TBCB: variants seen among roughly 807,000 people sequenced by gnomAD.
TBCB encodes tubulin-folding cofactor B.
TBCB carries 18 observed loss-of-function variants against 29.2 expected under a neutral mutation model. The observed-to-expected ratio is 0.62, with a 90% CI of 0.43 to 0.91. The LOEUF is 0.91. TBCB is among the 40% of genes least tolerant of loss of function. TBCB has a pLI of 0.00. For missense variants in TBCB, 336 were observed against 337.6 expected (o/e 1.00, Z 0.04); for synonymous variants, 172 against 137.8 (o/e 1.25, Z -1.74).
At chr19:36,117,333 C>T (rs561018315) in intron 2 of TBCB, among the ~76,000 whole-genome samples, 53 of 152,178 alleles carry the variant, frequency 3.5e-4, no homozygotes, top group African/African-American at 1.1e-3. Context: ...GAGGATAGTC[C>T]GTGAATCGTT....
At chr19:36,118,335 C>G (rs1296561908) in intron 2 of TBCB, among the ~76,000 whole-genome samples, 1 of 152,070 alleles carries the variant, frequency 6.6e-6, no homozygotes, top group Non-Finnish European at 1.5e-5. Flanking sequence ...CCTGGGGTAC[C>G]TGATGCATCA....
At position 36,125,447 on chromosome 19, in the gene TBCB, G is replaced by T; in HGVS notation, c.548-4G>T. 6.2e-7 allele frequency: 1 copy of T among 1,614,186 alleles called. No individual in the cohort carries two copies. The highest frequency in any genetic ancestry group is 8.5e-7 in the Non-Finnish European group (1 of 1,180,016). ...CTTCACAGGGATTTCTCTTCTGTTGGCAGGTCTCACAGATTTCAAGCCTGG... is the reference window on the plus strand; with the variant it reads ...CTTCACAGGGATTTCTCTTCTGTTGTCAGGTCTCACAGATTTCAAGCCTGG... On this transcript the variant is annotated splice_region_variant and splice_polypyrimidine_tract_variant and intron_variant, in intron 4 of 5. Coordinates refer to ENST00000221855, the MANE Select transcript of TBCB (RefSeq NM_001281.3).
At chr19:36,123,991 C>A (rs980123262) in intron 4 of TBCB, among the ~76,000 whole-genome samples, 2 of 152,210 alleles carry the variant, frequency 1.3e-5, no homozygotes, top group African/African-American at 4.8e-5. Context: ...ACCTGCCACA[C>A]TGCTTCCCAC....
chr19:36,116,380 C>T (rs1159473238), intron 2 of TBCB, 196 bp downstream of exon 2: 3 of 635,498 alleles, frequency 4.7e-6, no homozygotes, highest in Middle Eastern at 4.5e-4. Context: ...ATCAGGAAAT[C>T]CCAGGGGACT....
intron 4 of TBCB, among the ~76,000 whole-genome samples, chr19:36,123,640 A>G (rs1974093623): frequency 6.6e-6 from 1 of 152,054 alleles, no homozygotes; most frequent in South Asian, 2.1e-4. Context: ...TTGGGAGGCC[A>G]AGGTGGGCAG....
upstream of TBCB, chr19:36,115,044 A>G (rs1001607736): frequency 6.5e-6 from 4 of 619,194 alleles, no homozygotes; most frequent in East Asian, 2.8e-5. Flanking sequence ...CAATCTTTTG[A>G]TATCTTAGAG....
chr19:36,121,511 C>A lies in TBCB; in HGVS notation c.356-16C>A. The A allele has an allele frequency of 6.5e-7, 1 of 1,547,876 alleles. No individual in the cohort carries two copies. ...CGGCCGACACCCCAACTGACCCCAGCCCCCTCTGCCCACAGACACGGTCCG... is the reference window on the plus strand; with the variant it reads ...CGGCCGACACCCCAACTGACCCCAGACCCCTCTGCCCACAGACACGGTCCG... On this transcript the variant is annotated splice_polypyrimidine_tract_variant and intron_variant, in intron 3 of 5. Transcript: ENST00000221855.
At chr19:36,119,786 G>A (rs1477709427) in intron 2 of TBCB, among the ~76,000 whole-genome samples, 1 of 151,834 alleles carries the variant, frequency 6.6e-6, no homozygotes, top group East Asian at 1.9e-4. Context: ...TCAGCTGCCC[G>A]GGAGGCTGAG....
At chr19:36,118,153 C>G (rs1053797679) in intron 2 of TBCB, among the ~76,000 whole-genome samples, 1 of 152,144 alleles carries the variant, frequency 6.6e-6, no homozygotes, top group Admixed American at 6.5e-5. Context: ...TTTTTTCTCT[C>G]GTTGATTAAC....
In TBCB at chr19:36,124,733, C is replaced by T. The variant is rs536894584; in HGVS notation, c.548-718C>T. Among the ~76,000 whole-genome samples, 16 of 152,144 alleles carry T rather than the reference C, an allele frequency of 1.1e-4. No homozygotes were observed. The South Asian group carries it at 1.5e-3, about 14-fold the overall frequency. On this transcript the variant is annotated intron_variant, in intron 4 of 5. Transcript: ENST00000221855. Reference sequence around the variant, plus strand: ...TAATTTTTTGTATTTTTAGTAGAGACGGGGCTTCACCGTGTTAGCCAGGAT... The same window carrying T: ...TAATTTTTTGTATTTTTAGTAGAGATGGGGCTTCACCGTGTTAGCCAGGAT...
At chr19:36,119,551 C>T (rs1974010337) in intron 2 of TBCB, among the ~76,000 whole-genome samples, 1 of 152,186 alleles carries the variant, frequency 6.6e-6, no homozygotes, top group African/African-American at 2.4e-5. Context: ...CAGGGCCCTC[C>T]TAGCTCAGAG....
At chr19:36,125,325 A>G in intron 4 of TBCB, 126 bp from the exon 5 acceptor site, 1 of 1,037,126 alleles carries the variant, frequency 9.6e-7, no homozygotes, top group Non-Finnish European at 1.5e-6. Context: ...AGAGGTAGCA[A>G]GAAATGGTTT....
At chr19:36,120,275 G>A (rs1309039786) in intron 2 of TBCB, among the ~76,000 whole-genome samples, 6 of 152,180 alleles carry the variant, frequency 3.9e-5, no homozygotes, top group Admixed American at 1.3e-4. Context: ...CTGGGAGCTC[G>A]GAAACCAATG....
At chr19:36,121,100 TGG>T (rs1332035780) in intron 3 of TBCB, among the ~76,000 whole-genome samples, 2 of 14,188 alleles carry the variant, frequency 1.4e-4, no homozygotes, top group Non-Finnish European at 2.7e-4. Context: ...CAGGGTCAGA[TGG>T]GGGCATGGGG....
chr19:36,125,765 G>A lies in TBCB; in HGVS notation c.718G>A (p.Gly240Arg), dbSNP rs375713982. The A allele has an allele frequency of 3.2e-5, 50 of 1,543,740 alleles. No individual in the cohort carries two copies. Among genetic ancestry groups the A allele is most frequent in the Admixed American group, 2.6e-4 (13 of 49,828 alleles). The change falls in exon 6 of 6, where the codon GGG becomes AGG. Residue 240 changes from glycine (G) to arginine (R), a missense_variant. Transcript: ENST00000221855. ...GGGGGACTTCCCGGAGGAGGACTAC[G>A]GGTTGGACGAGATATGACACCTAAG... ...TVGDFPEEDY[G>R]LDEI
At chr19:36,118,865 C>T (rs1973999353) in intron 2 of TBCB, among the ~76,000 whole-genome samples, 1 of 152,066 alleles carries the variant, frequency 6.6e-6, no homozygotes, top group African/African-American at 2.4e-5. Context: ...CACAGGCCCC[C>T]TCTGGCTGTG....
chr19:36,123,109 T>G (rs1974083092), intron 4 of TBCB, among the ~76,000 whole-genome samples: 1 of 152,210 alleles, frequency 6.6e-6, no homozygotes, highest in African/African-American at 2.4e-5. Flanking sequence ...GTTTCATCCG[T>G]GGCATGCCTG....
intron 2 of TBCB, 151 bp downstream of exon 2, chr19:36,116,335 T>C (rs1973954288): frequency 9.5e-7 from 1 of 1,057,638 alleles, no homozygotes; most frequent in Admixed American, 2.6e-5. Context: ...AGACCCATCA[T>C]TAGACAGGGA....
upstream of TBCB, chr19:36,115,154 C>T: frequency 1.8e-6 from 1 of 571,058 alleles, no homozygotes; most frequent in Non-Finnish European, 3.1e-6. Context: ...AACCGCAAAA[C>T]ACTGAGCATC....
Sources: gnomAD v4.1 joint callset for allele counts (sites outside exome capture counted in the v4.1 genomes callset) on GRCh38, gnomAD v4.1.1 for gene constraint, MANE v1.5 for transcripts, NCBI Gene and HGNC (gene_info 2026-07-23, HGNC 2026-07-21) for gene names.